Variants in TMEM108 observed in about 807,000 individuals in gnomAD.
The protein encoded by TMEM108 is cancer/testis antigen 124.
TMEM108 carries 12 observed loss-of-function variants against 35.1 expected under a neutral mutation model. That is an observed-to-expected ratio of 0.34 (90% CI 0.22 to 0.55). The LOEUF (loss-of-function observed/expected upper bound fraction) is 0.55, where lower values mean the gene tolerates loss of function less well. Among genes scored for constraint, TMEM108 ranks in the 20% least tolerant of loss-of-function variants. The probability of loss-of-function intolerance (pLI) is 0.89; values close to 1 mark genes in which losing one functional copy is unlikely to be tolerated. For synonymous variants in TMEM108, 287 were observed against 308.6 expected (o/e 0.93, Z 0.73); for missense variants, 680 against 753.3 (o/e 0.90, Z 1.14).
intron 2 of TMEM108, among the ~76,000 whole-genome samples, chr3:133,073,510 C>CTATATATATATATATATA (rs1183039173): frequency 2.0e-4 from 9 of 43,908 alleles, no homozygotes; most frequent in Non-Finnish European, 2.7e-4. Context: ...CTCTCTCTCT[C>CTATATATATATATATATA]TATATATATA....
chr3:133,165,784 G>A (rs1559853402), intron 2 of TMEM108, among the ~76,000 whole-genome samples: 1 of 152,210 alleles, frequency 6.6e-6, no homozygotes, highest in Admixed American at 6.5e-5. Flanking sequence ...AGGTTACAGA[G>A]GGGGCTATGA....
At chr3:133,369,702 T>C (rs1263446391) in intron 3 of TMEM108, among the ~76,000 whole-genome samples, 1 of 152,192 alleles carries the variant, frequency 6.6e-6, no homozygotes, top group African/African-American at 2.4e-5. Context: ...AGTAGGTAAA[T>C]TTGATTAGAA....
At chr3:133,373,606 C>A (rs1312387748) in intron 3 of TMEM108, among the ~76,000 whole-genome samples, 1 of 152,064 alleles carries the variant, frequency 6.6e-6, no homozygotes, top group Admixed American at 6.6e-5. Flanking sequence ...ATACCAGAGT[C>A]CCAACATCCC....
At chr3:133,082,117 G>A (rs1002617318) in intron 2 of TMEM108, among the ~76,000 whole-genome samples, 1 of 152,154 alleles carries the variant, frequency 6.6e-6, no homozygotes, top group Non-Finnish European at 1.5e-5. Context: ...AGTCTGCTTT[G>A]TGCTCTCTCC....
At chr3:133,326,957 C>T (rs1055505095) in intron 3 of TMEM108, among the ~76,000 whole-genome samples, 1 of 152,204 alleles carries the variant, frequency 6.6e-6, no homozygotes, top group Non-Finnish European at 1.5e-5. Flanking sequence ...TTGATACTTG[C>T]AGAATGAATG....
intron 4 of TMEM108, among the ~76,000 whole-genome samples, chr3:133,381,424 A>AT (rs1401041228): frequency 6.6e-6 from 1 of 151,582 alleles, no homozygotes; most frequent in African/African-American, 2.4e-5. Flanking sequence ...CCAACCCTGC[A>AT]TTTTGCAGAA....
intron 3 of TMEM108, among the ~76,000 whole-genome samples, chr3:133,298,350 A>C (rs1257571292): frequency 6.6e-6 from 1 of 152,190 alleles, no homozygotes; most frequent in East Asian, 1.9e-4. Flanking sequence ...AAGCCTCCTC[A>C]AAACTTCTTT....
intron 3 of TMEM108, among the ~76,000 whole-genome samples, chr3:133,263,335 T>C (rs1946651560): frequency 6.6e-6 from 1 of 152,248 alleles, no homozygotes; most frequent in African/African-American, 2.4e-5. Context: ...GTTTGCTGCC[T>C]TTAAAAGCTC....
intron 3 of TMEM108, among the ~76,000 whole-genome samples, chr3:133,308,567 T>TGAAGGGCTGTTGAATTTTGTC (rs2071078690): frequency 1.3e-5 from 2 of 151,792 alleles, no homozygotes; most frequent in African/African-American, 4.9e-5. Context: ...GTTTTTAGTA[T>TGAAGGGCTGTTGAATTTTGTC]GAAGGGCTGT....
At chr3:133,185,288 G>C (rs1945402432) in intron 2 of TMEM108, among the ~76,000 whole-genome samples, 1 of 152,080 alleles carries the variant, frequency 6.6e-6, no homozygotes, top group Non-Finnish European at 1.5e-5. Context: ...CTTTCCGTGG[G>C]AAAAGTAACT....
intron 2 of TMEM108, among the ~76,000 whole-genome samples, chr3:133,199,140 G>C (rs1945622826): frequency 6.6e-6 from 1 of 152,106 alleles, no homozygotes; most frequent in Non-Finnish European, 1.5e-5. Flanking sequence ...AGCTCCATCA[G>C]GTCCCTTAAG....
chr3:133,073,510 C>CTCTCTCTATATATATATATATA, intron 2 of TMEM108, among the ~76,000 whole-genome samples: 10 of 43,898 alleles, frequency 2.3e-4, no homozygotes, highest in African/African-American at 3.6e-4. Flanking sequence ...CTCTCTCTCT[C>CTCTCTCTATATATATATATATA]TATATATATA....
intron 2 of TMEM108, among the ~76,000 whole-genome samples, chr3:133,155,123 C>T (rs1349361066): frequency 3.3e-5 from 5 of 152,082 alleles, no homozygotes; most frequent in Admixed American, 3.3e-4. Flanking sequence ...GTTTTCTGAT[C>T]TTGCATTCGT....
chr3:133,381,253 C>A, intron 4 of TMEM108, 92 bp downstream of exon 4: 1 of 1,363,752 alleles, frequency 7.3e-7, no homozygotes, highest in Non-Finnish European at 9.9e-7. Flanking sequence ...GCATCCTTGC[C>A]AAGTGGGCTA....
chr3:133,070,675 G>C (rs1033473164), intron 2 of TMEM108, among the ~76,000 whole-genome samples: 6 of 151,884 alleles, frequency 4.0e-5, no homozygotes, highest in Non-Finnish European at 7.4e-5. Flanking sequence ...CCTGGTAGGC[G>C]ACCCACAGAA....
chr3:133,331,921 T>G lies in TMEM108; in HGVS notation c.41-47831T>G, dbSNP rs1576460182. On this transcript the variant is annotated intron_variant, in intron 3 of 5. Transcript: ENST00000321871. ...TTTGGATCGTGATCTGGTCTTATAG[T>G]CAGACCTGATATAGCCAGGTCTGAA... Among the ~76,000 whole-genome samples, 3 of 152,336 alleles carry G rather than the reference T, an allele frequency of 2.0e-5. No homozygotes were observed. The South Asian group carries it at 6.2e-4, about 32-fold the overall frequency.
intron 2 of TMEM108, among the ~76,000 whole-genome samples, chr3:133,197,731 G>A (rs1559864968): frequency 6.6e-6 from 1 of 152,178 alleles, no homozygotes; most frequent in Non-Finnish European, 1.5e-5. Context: ...GAACTGTGCA[G>A]TCATGGCTGA....
At chr3:133,057,285 T>C (rs984258541) in intron 2 of TMEM108, among the ~76,000 whole-genome samples, 1 of 152,016 alleles carries the variant, frequency 6.6e-6, no homozygotes, top group Non-Finnish European at 1.5e-5. Context: ...TATTTCTTAC[T>C]CCCTTTTCTC....
intron 2 of TMEM108, among the ~76,000 whole-genome samples, chr3:133,116,248 A>G: frequency 6.6e-6 from 1 of 152,162 alleles, no homozygotes; most frequent in African/African-American, 2.4e-5. Context: ...GCATTCTTCC[A>G]CCCAAGAATC....
Sources: gnomAD v4.1 joint callset for allele counts (sites outside exome capture counted in the v4.1 genomes callset) on GRCh38, gnomAD v4.1.1 for gene constraint, MANE v1.5 for transcripts, NCBI Gene and HGNC (gene_info 2026-07-23, HGNC 2026-07-21) for gene names.